FUT9: variants seen among roughly 807,000 people sequenced by gnomAD.
FUT9 encodes the protein fucosyltransferase 9.
In FUT9, 15 loss-of-function variants were observed where a neutral mutation model predicts 29.7. The ratio of observed to expected loss-of-function variants is 0.51; its 90% CI spans 0.34 to 0.78. The LOEUF is 0.78. Among genes scored for constraint, FUT9 ranks in the 30% least tolerant of loss-of-function variants. The pLI, the probability that FUT9 is intolerant of heterozygous loss-of-function variation, is 0.01. For synonymous variants in FUT9, 169 were observed against 153.7 expected (o/e 1.10, Z -0.74); for missense variants, 319 against 425.4 (o/e 0.75, Z 2.20).
chr6:96,022,052 T>G (rs190187407), intron 1 of FUT9, among the ~76,000 whole-genome samples: 132 of 152,112 alleles, frequency 8.7e-4, no homozygotes, highest in Non-Finnish European at 1.3e-3. Flanking sequence ...ATGACATTCG[T>G]TGTGTGAAGA....
intron 1 of FUT9, among the ~76,000 whole-genome samples, chr6:96,038,153 C>T (rs773058097): frequency 2.6e-5 from 4 of 152,060 alleles, no homozygotes; most frequent in South Asian, 4.1e-4. Flanking sequence ...GTAATTACAA[C>T]ACTTTTAGGA....
intron 1 of FUT9, among the ~76,000 whole-genome samples, chr6:96,075,532 C>T (rs1418219065): frequency 6.6e-6 from 1 of 152,116 alleles, no homozygotes; most frequent in Non-Finnish European, 1.5e-5. Context: ...TATATACAAA[C>T]TCAAGTTACT....
intron 2 of FUT9, among the ~76,000 whole-genome samples, chr6:96,190,679 T>G (rs1214028411): frequency 6.6e-6 from 1 of 152,194 alleles, no homozygotes; most frequent in East Asian, 1.9e-4. Context: ...ACTGGTACCC[T>G]TTCTTCCAGT....
chr6:96,183,320 C>CT (rs1554198564), intron 2 of FUT9, among the ~76,000 whole-genome samples: 1 of 152,038 alleles, frequency 6.6e-6, no homozygotes, highest in African/African-American at 2.4e-5. Flanking sequence ...TTGCTGAATT[C>CT]TTTTATCAGT....
rs1285044820 is a variant in FUT9, at chr6:96,214,207, G to A, written c.*9972G>A. 2 of 166,756 alleles carry A rather than the reference G, an allele frequency of 1.2e-5. No individual in the cohort carries two copies. The highest frequency in any genetic ancestry group is 2.9e-5 in the Non-Finnish European group (2 of 68,036). 10.3% of individuals were successfully genotyped at this position (166,756 alleles called of 1,614,324 possible). A position where few individuals can be genotyped will look rare whatever the true frequency, so the allele number is the denominator to read the frequency against. On this transcript the variant is annotated 3_prime_UTR_variant, in exon 3 of 3. Coordinates refer to ENST00000302103, the MANE Select transcript of FUT9 (RefSeq NM_006581.4). ...CAATTTACTGTATAACAACTTAATA[G>A]TACAAAGCATGAAGATGTGAAAATA...
rs935980647 is a variant in FUT9 at position 96,163,000 on chromosome 6, C to T, written c.-8-40148C>T. On this transcript the variant is annotated intron_variant, in intron 2 of 2. Transcript: ENST00000302103. Reference sequence around the variant, plus strand: ...CATGGAGATTGCTCCAGGTGTATTTCACAAAGGTTATTTTCCTCTCCCTCT... The same window carrying T: ...CATGGAGATTGCTCCAGGTGTATTTTACAAAGGTTATTTTCCTCTCCCTCT... 8.5e-5 allele frequency among the ~76,000 whole-genome samples: 13 copies of T among 152,216 alleles called. 1 individual carries two copies. The highest frequency in any genetic ancestry group is 4.6e-4 in the Admixed American group (7 of 15,262).
intron 1 of FUT9, among the ~76,000 whole-genome samples, chr6:96,043,937 C>A (rs1048741036): frequency 5.3e-5 from 8 of 152,200 alleles, no homozygotes; most frequent in African/African-American, 9.7e-5. Context: ...CCACCTTGAA[C>A]CATCTTGTGG....
rs1020763441 is a variant in FUT9, at chr6:96,204,735, A to G, written c.*500A>G. 1.2e-5 allele frequency: 2 copies of G among 166,842 alleles called. No homozygotes were observed. Among genetic ancestry groups the G allele is most frequent in the Non-Finnish European group, 2.9e-5 (2 of 68,094 alleles). The allele number at this position is 166,842 out of a possible 1,614,324, so 10.3% of individuals were successfully genotyped here. On this transcript the variant is annotated 3_prime_UTR_variant, in exon 3 of 3. Transcript: ENST00000302103. ...ATGAATGAAGTGTATAACTGTCTCT[A>G]TTTGATCTATTTTTTTTACCTGTTT...
intron 1 of FUT9, among the ~76,000 whole-genome samples, chr6:96,068,286 G>A (rs4130043): frequency 0.55 from 83,815 of 151,900 alleles, 23,255 homozygotes; most frequent in South Asian, 0.64. Flanking sequence ...GTAATATTGA[G>A]AAACAAAACA....
At chr6:96,126,205 C>T (rs770574403) in intron 2 of FUT9, among the ~76,000 whole-genome samples, 11 of 152,126 alleles carry the variant, frequency 7.2e-5, no homozygotes, top group Non-Finnish European at 1.0e-4. Context: ...ATTTATGGTA[C>T]GGCAGGCTGT....
intron 1 of FUT9, among the ~76,000 whole-genome samples, chr6:96,052,645 C>A (rs544283005): frequency 3.3e-5 from 5 of 152,240 alleles, no homozygotes; most frequent in African/African-American, 1.2e-4. Context: ...GGAAGGAGAA[C>A]ATCAGAGAAT....
intron 2 of FUT9, among the ~76,000 whole-genome samples, chr6:96,181,724 A>G (rs1383011899): frequency 1.3e-5 from 2 of 151,882 alleles, no homozygotes; most frequent in African/African-American, 2.4e-5. Context: ...TAATAGTCTC[A>G]AATCTCATCT....
chr6:96,080,238 A>G (rs1397339445), intron 1 of FUT9, among the ~76,000 whole-genome samples: 2 of 151,910 alleles, frequency 1.3e-5, no homozygotes, highest in African/African-American at 2.4e-5. Context: ...AAAGCCAGAA[A>G]GAATGACATA....
intron 2 of FUT9, among the ~76,000 whole-genome samples, chr6:96,132,078 T>C (rs1582256453): frequency 6.6e-6 from 1 of 152,118 alleles, no homozygotes; most frequent in African/African-American, 2.4e-5. Flanking sequence ...CCTGTCTCTC[T>C]ACAAAATGCC....
intron 2 of FUT9, among the ~76,000 whole-genome samples, chr6:96,179,154 T>C (rs1309537710): frequency 6.6e-6 from 1 of 152,170 alleles, no homozygotes; most frequent in Non-Finnish European, 1.5e-5. Flanking sequence ...AGAAGATTCG[T>C]CCTTCTTCAT....
intron 2 of FUT9, among the ~76,000 whole-genome samples, chr6:96,146,465 C>A (rs1205042381): frequency 1.3e-5 from 2 of 152,098 alleles, no homozygotes; most frequent in African/African-American, 4.8e-5. Flanking sequence ...AAAGGAAAAT[C>A]TGAGGGGTTA....
chr6:96,195,194 A>G (rs1166747500), intron 2 of FUT9, among the ~76,000 whole-genome samples: 1 of 152,166 alleles, frequency 6.6e-6, no homozygotes, highest in Non-Finnish European at 1.5e-5. Flanking sequence ...TGAAGGAAGA[A>G]GAAAGAATTT....
At chr6:96,096,510 C>T (rs1436859193) in intron 1 of FUT9, among the ~76,000 whole-genome samples, 5 of 152,028 alleles carry the variant, frequency 3.3e-5, no homozygotes, top group African/African-American at 1.2e-4. Flanking sequence ...AAGAATTTAC[C>T]TAATCTGTCC....
intron 1 of FUT9, among the ~76,000 whole-genome samples, chr6:96,092,667 C>T (rs1180921651): frequency 6.6e-6 from 1 of 152,116 alleles, no homozygotes; most frequent in Non-Finnish European, 1.5e-5. Flanking sequence ...AGTATTTTAG[C>T]TCTATTCTTC....
Sources: allele counts gnomAD v4.1 joint callset (sites outside exome capture counted in the v4.1 genomes callset), GRCh38; gene constraint gnomAD v4.1.1; transcripts MANE v1.5; gene names NCBI Gene and HGNC (gene_info 2026-07-23, HGNC 2026-07-21).